ANKRD55: variants seen among roughly 807,000 people sequenced by gnomAD.
ANKRD55 encodes the protein ankyrin repeat domain 55, also known as ankyrin repeat domain-containing protein 55.
A neutral mutation model predicts 60.6 loss-of-function variants in ANKRD55; 41 were observed. The observed-to-expected ratio is 0.68, with a 90% confidence interval of 0.53 to 0.88. The LOEUF (loss-of-function observed/expected upper bound fraction) is 0.88, where lower values mean the gene tolerates loss of function less well. Ranked by LOEUF, ANKRD55 falls within the 40% of genes least tolerant of loss-of-function variation. ANKRD55 has a pLI of 0.00. For missense variants in ANKRD55, 732 were observed against 767.6 expected (o/e 0.95, Z 0.55); for synonymous variants, 264 against 290.3 (o/e 0.91, Z 0.92).
At chr5:56,156,272 T>C (rs1580988009) in intron 6 of ANKRD55, among the ~76,000 whole-genome samples, 1 of 152,352 alleles carries the variant, frequency 6.6e-6, no homozygotes, top group East Asian at 1.9e-4. Flanking sequence ...CTTTCTGGGC[T>C]TAAAACCCAA....
chr5:56,169,076 T>C (rs1758548849), intron 5 of ANKRD55, among the ~76,000 whole-genome samples: 1 of 152,170 alleles, frequency 6.6e-6, no homozygotes, highest in Non-Finnish European at 1.5e-5. Flanking sequence ...AGGCTGGTCT[T>C]GAACTCCTCA....
At chr5:56,115,162 T>C (rs911036200) in intron 9 of ANKRD55, among the ~76,000 whole-genome samples, 5 of 151,560 alleles carry the variant, frequency 3.3e-5, no homozygotes, top group Non-Finnish European at 7.4e-5. Flanking sequence ...ATTATGCCAC[T>C]GCACACCAGC....
intron 4 of ANKRD55, among the ~76,000 whole-genome samples, chr5:56,173,293 G>T (rs1413091679): frequency 6.6e-6 from 1 of 152,052 alleles, no homozygotes; most frequent in Non-Finnish European, 1.5e-5. Flanking sequence ...CACCTCCTGG[G>T]TTCAAGTGAT....
chr5:56,121,165 C>T (rs1446771628), intron 8 of ANKRD55, among the ~76,000 whole-genome samples: 1 of 152,090 alleles, frequency 6.6e-6, no homozygotes, highest in Non-Finnish European at 1.5e-5. Context: ...TATTCCTATA[C>T]ACCCATTGTA....
At chr5:56,103,614 T>A (rs1014689671) in intron 10 of ANKRD55, among the ~76,000 whole-genome samples, 1 of 152,162 alleles carries the variant, frequency 6.6e-6, no homozygotes. Context: ...TTTTTTCATA[T>A]ACAAAATGGT....
intron 8 of ANKRD55, among the ~76,000 whole-genome samples, chr5:56,123,479 G>T (rs2111710481): frequency 6.6e-6 from 1 of 152,262 alleles, no homozygotes; most frequent in South Asian, 2.1e-4. Flanking sequence ...CTGCATATTT[G>T]AATGTGGCAG....
intron 8 of ANKRD55, among the ~76,000 whole-genome samples, chr5:56,121,534 A>G (rs990309451): frequency 6.6e-6 from 1 of 151,726 alleles, no homozygotes; most frequent in Non-Finnish European, 1.5e-5. Flanking sequence ...CACCACACCC[A>G]GCTAATTTTT....
chr5:56,154,200 CA>C (rs367809782), intron 6 of ANKRD55, among the ~76,000 whole-genome samples: 3,623 of 64,038 alleles, frequency 0.057, 32 homozygotes, highest in Non-Finnish European at 0.063. Flanking sequence ...GACTCTGTCT[CA>C]AAAAAAAAAA....
chr5:56,233,120 A>T lies in ANKRD55; in HGVS notation c.-34+121T>A, dbSNP rs1561302432. ...ATTCCTGTAAATACCTGCTAGGAAA[A>T]GAGTTACTCTATGGCCTCATTCATC... is the stretch of plus-strand genomic sequence containing the variant. On this transcript the variant is annotated intron_variant, in intron 1 of 11. Coordinates refer to ENST00000341048, the MANE Select transcript of ANKRD55 (RefSeq NM_024669.3). The T allele has an allele frequency of 5.0e-6, 3 of 597,102 alleles. No homozygotes were observed. In the East Asian group the frequency reaches 8.4e-5, roughly 17 times the overall value. The allele number at this position is 597,102 out of a possible 1,614,324, so 37.0% of individuals were successfully genotyped here.
At chr5:56,199,080 A>AAAACAAACAAAC (rs56703145) in intron 2 of ANKRD55, among the ~76,000 whole-genome samples, 40,813 of 150,168 alleles carry the variant, frequency 0.27, 6,675 homozygotes, top group African/African-American at 0.43. Flanking sequence ...ACTCTGTCTC[A>AAAACAAACAAAC]AAACAAACAA....
intron 1 of ANKRD55, 81 bp downstream of exon 1, chr5:56,233,160 A>T: frequency 2.0e-6 from 1 of 500,408 alleles, no homozygotes. Context: ...GTACATGGGC[A>T]TAATACACCC....
At chr5:56,227,127 G>A (rs1290603926) in intron 2 of ANKRD55, among the ~76,000 whole-genome samples, 1 of 152,104 alleles carries the variant, frequency 6.6e-6, no homozygotes, top group African/African-American at 2.4e-5. Flanking sequence ...AGAAAATGTG[G>A]CATGTATACA....
At chr5:56,199,274 A>G (rs770439900) in intron 2 of ANKRD55, among the ~76,000 whole-genome samples, 16 of 152,110 alleles carry the variant, frequency 1.1e-4, no homozygotes, top group Non-Finnish European at 2.4e-4. Flanking sequence ...AGTTTATATT[A>G]GTTAAATTTT....
At chr5:56,230,824 A>G (rs1760234543) in intron 2 of ANKRD55, among the ~76,000 whole-genome samples, 1 of 152,250 alleles carries the variant, frequency 6.6e-6, no homozygotes, top group African/African-American at 2.4e-5. Context: ...GGACTGCTAC[A>G]TTCAGGCTGA....
intron 2 of ANKRD55, among the ~76,000 whole-genome samples, chr5:56,216,933 A>T (rs1246384432): frequency 6.6e-6 from 1 of 152,256 alleles, no homozygotes; most frequent in Non-Finnish European, 1.5e-5. Context: ...ATAGTAAACA[A>T]CAGATTTTCA....
chr5:56,117,515 G>A (rs1197212461), intron 8 of ANKRD55, among the ~76,000 whole-genome samples: 1 of 152,126 alleles, frequency 6.6e-6, no homozygotes, highest in Non-Finnish European at 1.5e-5. Context: ...GTGCAATGGT[G>A]TGGTCTTGGC....
chr5:56,151,991 A>G (rs994684565), intron 6 of ANKRD55, among the ~76,000 whole-genome samples: 1 of 148,714 alleles, frequency 6.7e-6, no homozygotes, highest in African/African-American at 2.5e-5. Flanking sequence ...GCTTTTGTGC[A>G]AGCTACTGAA....
chr5:56,165,212 CAT>C (rs1339864461), intron 5 of ANKRD55, among the ~76,000 whole-genome samples: 1 of 152,150 alleles, frequency 6.6e-6, no homozygotes, highest in Non-Finnish European at 1.5e-5. Flanking sequence ...AAAATGCAGA[CAT>C]ATGCCAGTTT....
intron 4 of ANKRD55, among the ~76,000 whole-genome samples, chr5:56,174,856 G>T (rs935996747): frequency 4.8e-5 from 7 of 146,254 alleles, no homozygotes; most frequent in Non-Finnish European, 9.0e-5. Context: ...AAAAAAAATT[G>T]CCAAGGAGGT....
Sources: gnomAD v4.1 joint callset for allele counts (sites outside exome capture counted in the v4.1 genomes callset) on GRCh38, gnomAD v4.1.1 for gene constraint, MANE v1.5 for transcripts, NCBI Gene and HGNC (gene_info 2026-07-23, HGNC 2026-07-21) for gene names.